Variants in AHRR observed in about 807,000 individuals in gnomAD.
AHRR encodes aryl hydrocarbon receptor repressor, also known as ahR repressor.
A neutral mutation model predicts 44.0 loss-of-function variants in AHRR; 28 were observed. The observed-to-expected ratio is 0.64, with a 90% CI of 0.47 to 0.87. AHRR has a LOEUF of 0.87. AHRR is among the 40% of genes least tolerant of loss of function. The pLI, the probability that AHRR is intolerant of heterozygous loss-of-function variation, is 0.00. For missense variants in AHRR, 990 were observed against 953.9 expected (o/e 1.04, Z -0.50); for synonymous variants, 434 against 407.0 (o/e 1.07, Z -0.80).
Position 401,162 on chromosome 5 carries a change from T to C in AHRR, c.352-12182T>C, listed in dbSNP as rs539173679. 1.7e-3 allele frequency among the ~76,000 whole-genome samples: 256 copies of C among 152,322 alleles called. 2 individuals carry two copies. Among genetic ancestry groups the C allele is most frequent in the Non-Finnish European group, 2.9e-3 (199 of 68,030 alleles). ...TTCTCACCTGTTTTCTAACAACCCC[T>C]TGGGGTGCACCCCACGTCATCTCAC... is the stretch of plus-strand genomic sequence containing the variant. On this transcript the variant is annotated intron_variant, in intron 4 of 10. Transcript: ENST00000684583.
intron 3 of AHRR, among the ~76,000 whole-genome samples, chr5:369,457 C>A (rs1022578303): frequency 6.6e-6 from 1 of 152,248 alleles, no homozygotes; most frequent in Non-Finnish European, 1.5e-5. Context: ...ATGCTCCTTG[C>A]AGATGAACAG....
intron 2 of AHRR, 56 bp from the exon 3 acceptor site, chr5:353,674 G>T: frequency 6.5e-7 from 1 of 1,536,244 alleles, no homozygotes; most frequent in Non-Finnish European, 8.8e-7. Flanking sequence ...TTCCGCCCCA[G>T]GGGGCCTGTG....
Position 403,914 on chromosome 5 carries a change from A to G in AHRR, c.352-9430A>G, listed in dbSNP as rs1735142496. Reference sequence around the variant, plus strand: ...GCCTAGATGAGAATGTAGCTATTCCAGGCACAGTCTGGAGTATTTGATGAA... The same window carrying G: ...GCCTAGATGAGAATGTAGCTATTCCGGGCACAGTCTGGAGTATTTGATGAA... On this transcript the variant is annotated intron_variant, in intron 4 of 10. Coordinates refer to ENST00000684583, the MANE Select transcript of AHRR (RefSeq NM_001377236.1). 37 of 1,575,866 alleles carry G rather than the reference A, an allele frequency of 2.3e-5. 1 individual carries two copies. The South Asian group carries it at 4.0e-4, about 17-fold the overall frequency.
intron 4 of AHRR, among the ~76,000 whole-genome samples, chr5:410,386 G>A (rs1305730737): frequency 6.6e-6 from 1 of 151,924 alleles, no homozygotes; most frequent in Non-Finnish European, 1.5e-5. Context: ...TTGTTTGCTT[G>A]TTTTTTGTAG....
At chr5:416,609 C>T (rs1338839562) in intron 5 of AHRR, among the ~76,000 whole-genome samples, 3 of 152,208 alleles carry the variant, frequency 2.0e-5, no homozygotes, top group East Asian at 1.9e-4. Context: ...GGTGGCCACC[C>T]GGCATCCTCT....
rs754115071 is a variant in AHRR at position 388,831 on chromosome 5, G to A, written c.351+12115G>A. On this transcript the variant is annotated intron_variant, in intron 4 of 10. Coordinates refer to ENST00000684583, the MANE Select transcript of AHRR (RefSeq NM_001377236.1). This position sits in a 1 kb window ranked among gnomAD's most constrained non-coding sequence, Gnocchi z 5.2. ...GCTGGATGGAAACAGGAAGCTGGCA[G>A]GAGGACAGTGTGGCTGGGCCAGATG... 2.1e-4 allele frequency among the ~76,000 whole-genome samples: 32 copies of A among 152,238 alleles called. No homozygotes were observed. The highest frequency in any genetic ancestry group is 4.0e-4 in the Non-Finnish European group (27 of 68,038).
At chr5:420,310 T>C (rs1267627617) in intron 5 of AHRR, among the ~76,000 whole-genome samples, 1 of 152,228 alleles carries the variant, frequency 6.6e-6, no homozygotes, top group African/African-American at 2.4e-5. Context: ...TACTAGCCCC[T>C]GAATTAACAG....
At chr5:374,264 C>T (rs984088853) in intron 3 of AHRR, among the ~76,000 whole-genome samples, 6 of 152,190 alleles carry the variant, frequency 3.9e-5, no homozygotes, top group Admixed American at 3.9e-4. Flanking sequence ...CCGCTCCTGC[C>T]CGGGTCTCTC....
In AHRR at chr5:395,521, C is replaced by T. The variant is rs1579662432; in HGVS notation, c.352-17823C>T. On this transcript the variant is annotated intron_variant, in intron 4 of 10. Transcript: ENST00000684583. The surrounding 1 kb of genome is among the most constrained non-coding windows in gnomAD (Gnocchi z 5.3). ...CCACTGCAGGCCAGGTCATCAGAAG[C>T]GCCTGCTCCAGCTCCCACCCTGCCT... Among the ~76,000 whole-genome samples, 1 of 152,222 alleles carries T rather than the reference C, an allele frequency of 6.6e-6. No homozygotes were observed.
At chr5:393,812 A>C (rs1256879391) in intron 4 of AHRR, among the ~76,000 whole-genome samples, 1 of 151,932 alleles carries the variant, frequency 6.6e-6, no homozygotes, top group Admixed American at 6.6e-5. Flanking sequence ...TAATTTTTGT[A>C]TTTTTAGTAG....
Position 422,797 on chromosome 5 carries a change from G to A in AHRR, c.510G>A (p.Gln170=). The A allele has an allele frequency of 6.2e-7, 1 of 1,614,132 alleles. No homozygotes were observed. The highest frequency in any genetic ancestry group is 8.5e-7 in the Non-Finnish European group (1 of 1,180,032). ...ACGACCGCCAGGACTTCTGCCGGCA[G>A]CTCCACTGGGCCATGGACCCTCCCC... ...HVDDRQDFCR[Q]LHWAMDPPQV... Residue 170 remains glutamine, a synonymous_variant, in exon 6 of 11, where the codon CAG becomes CAA. Transcript: ENST00000684583.
intron 4 of AHRR, among the ~76,000 whole-genome samples, chr5:408,468 T>G (rs1467173994): frequency 6.6e-6 from 1 of 152,174 alleles, no homozygotes; most frequent in Non-Finnish European, 1.5e-5. Context: ...CTCAGATCTG[T>G]AAATATGGTC....
intron 4 of AHRR, among the ~76,000 whole-genome samples, chr5:396,365 C>T (rs959310451): frequency 1.1e-4 from 16 of 152,138 alleles, no homozygotes; most frequent in Admixed American, 1.0e-3. Context: ...AACCAAGCCC[C>T]GCATACCATG....
rs1300585165 is a variant in AHRR, at chr5:342,274, T to C, written c.-10-1619T>C. On this transcript the variant is annotated intron_variant, in intron 1 of 10. Transcript: ENST00000684583. This position sits in a 1 kb window ranked among gnomAD's most constrained non-coding sequence, Gnocchi z 4.3. The stretch of plus-strand genomic sequence containing the variant: ...CTATTGATCACTGAGATAGGAATGT[T>C]AATGTCTCCCATGAATTATCCTTTT... Among the ~76,000 whole-genome samples, 1 of 152,262 alleles carries C rather than the reference T, an allele frequency of 6.6e-6. No homozygotes were observed. The highest frequency in any genetic ancestry group is 2.4e-5 in the African/African-American group (1 of 41,474).
At chr5:390,335 A>G (rs1187542844) in intron 4 of AHRR, among the ~76,000 whole-genome samples, 1 of 152,180 alleles carries the variant, frequency 6.6e-6, no homozygotes, top group Non-Finnish European at 1.5e-5. Context: ...GTGTACCCAC[A>G]AGCATTAAAA....
At position 406,561 on chromosome 5, in the gene AHRR, T is replaced by G. The variant is rs1351227648; in HGVS notation, c.352-6783T>G. On this transcript the variant is annotated intron_variant, in intron 4 of 10. Coordinates refer to ENST00000684583, the MANE Select transcript of AHRR (RefSeq NM_001377236.1). This position sits in a 1 kb window ranked among gnomAD's most constrained non-coding sequence, Gnocchi z 4.7. Reference sequence around the variant, plus strand: ...GAAAACGTTAAGAAACAGAAAATACTCAAGCTGGTTAGGCTATTCAAGAAC... The same window carrying G: ...GAAAACGTTAAGAAACAGAAAATACGCAAGCTGGTTAGGCTATTCAAGAAC... Among the ~76,000 whole-genome samples, 3 of 152,212 alleles carry G rather than the reference T, an allele frequency of 2.0e-5. No homozygotes were observed. Among genetic ancestry groups the G allele is most frequent in the African/African-American group, 7.2e-5 (3 of 41,452 alleles).
intron 3 of AHRR, 58 bp from the exon 4 acceptor site, chr5:376,552 A>ATGAGAACCGAGGGGT: frequency 7.1e-7 from 1 of 1,409,244 alleles, no homozygotes; most frequent in Non-Finnish European, 9.6e-7. Context: ...ATGTGAATGA[A>ATGAGAACCGAGGGGT]GAAGAGTGGC....
intron 3 of AHRR, among the ~76,000 whole-genome samples, chr5:355,843 G>A (rs1222181340): frequency 6.6e-6 from 1 of 152,250 alleles, no homozygotes; most frequent in Admixed American, 6.5e-5. Context: ...GAGTGCTGCA[G>A]CTTTCAGGAA....
At chr5:408,414 C>T (rs11742006) in intron 4 of AHRR, among the ~76,000 whole-genome samples, 35,113 of 150,594 alleles carry the variant, frequency 0.23, 5,354 homozygotes, top group Non-Finnish European at 0.34. Context: ...TGTTGAATTT[C>T]ATTGAGGGCT....
Sources: allele counts gnomAD v4.1 joint callset (sites outside exome capture counted in the v4.1 genomes callset), GRCh38; gene constraint gnomAD v4.1.1; non-coding constraint Gnocchi (gnomAD v3.1); transcripts MANE v1.5; gene names NCBI Gene and HGNC (gene_info 2026-07-23, HGNC 2026-07-21).